NCKAP5: variants seen among roughly 807,000 people sequenced by gnomAD.
NCKAP5 encodes nck-associated protein 5.
A neutral mutation model predicts 167.0 loss-of-function variants in NCKAP5; 92 were observed. That is an observed-to-expected ratio of 0.55 (90% confidence interval 0.47 to 0.66). The LOEUF (loss-of-function observed/expected upper bound fraction) is 0.66. Ranked by LOEUF, NCKAP5 falls within the 30% of genes least tolerant of loss-of-function variation. The probability of loss-of-function intolerance (pLI) is 0.00; values close to 1 mark genes in which losing one functional copy is unlikely to be tolerated. For synonymous variants in NCKAP5, 891 were observed against 877.4 expected (o/e 1.02, Z -0.27); for missense variants, 2,378 against 2,315.0 (o/e 1.03, Z -0.56).
At chr2:132,752,619 A>G (rs1680211543) in intron 16 of NCKAP5, among the ~76,000 whole-genome samples, 3 of 152,208 alleles carry the variant, frequency 2.0e-5, no homozygotes, top group Admixed American at 6.5e-5. Flanking sequence ...CAGCAATTCA[A>G]CTTCCTCTAG....
chr2:132,987,560 T>G (rs1286220725), intron 7 of NCKAP5, among the ~76,000 whole-genome samples: 1 of 152,170 alleles, frequency 6.6e-6, no homozygotes, highest in Non-Finnish European at 1.5e-5. Context: ...GGAAACATAC[T>G]ACATTGCTCT....
intron 5 of NCKAP5, among the ~76,000 whole-genome samples, chr2:133,149,171 C>CA (rs1301320959): frequency 6.6e-6 from 1 of 152,166 alleles, no homozygotes; most frequent in Non-Finnish European, 1.5e-5. Flanking sequence ...TGTTAACAGA[C>CA]ACCTTACCTG....
At chr2:133,305,826 A>AT (rs1191339185) in intron 3 of NCKAP5, among the ~76,000 whole-genome samples, 1 of 152,094 alleles carries the variant, frequency 6.6e-6, no homozygotes, top group Non-Finnish European at 1.5e-5. Flanking sequence ...TTTCAGCTTT[A>AT]TTTTTTCTCT....
chr2:133,424,593 G>A (rs1490137223), intron 3 of NCKAP5, among the ~76,000 whole-genome samples: 1 of 152,154 alleles, frequency 6.6e-6, no homozygotes, highest in African/African-American at 2.4e-5. Flanking sequence ...TTGACTTTTT[G>A]TGTGGGGTTC....
intron 7 of NCKAP5, among the ~76,000 whole-genome samples, chr2:132,992,433 GAATGA>G (rs2077475892): frequency 6.6e-6 from 1 of 152,184 alleles, no homozygotes; most frequent in East Asian, 1.9e-4. Context: ...ATATGAATCT[GAATGA>G]AAGAGATCCA....
rs751504289 is a variant in NCKAP5, at chr2:132,782,092, C to T, written c.4719G>A (p.Lys1573=). The change falls in exon 14 of 20, where the codon AAG becomes AAA. Residue 1573 remains lysine, a synonymous_variant. Coordinates refer to ENST00000409261, the MANE Select transcript of NCKAP5 (RefSeq NM_207363.3). ...ETENELIKDT[K]SADNPDGGLQ... The stretch of plus-strand genomic sequence containing the variant: ...AACCGCCATCTGGATTATCTGCTGA[C>T]TTGGTGTCCTTGATAAGCTCATTTT... 2.5e-6 allele frequency: 4 copies of T among 1,614,060 alleles called. No homozygotes were observed. The highest frequency in any genetic ancestry group is 3.4e-6 in the Non-Finnish European group (4 of 1,179,888).
intron 19 of NCKAP5, among the ~76,000 whole-genome samples, chr2:132,711,567 T>C (rs1486561117): frequency 1.3e-5 from 2 of 152,236 alleles, no homozygotes; most frequent in African/African-American, 2.4e-5. Flanking sequence ...GCCTCATTCA[T>C]TCATTCACCT....
At chr2:133,505,410 C>A (rs539712548) in intron 3 of NCKAP5, among the ~76,000 whole-genome samples, 20 of 152,066 alleles carry the variant, frequency 1.3e-4, no homozygotes, top group African/African-American at 4.3e-4. Context: ...TAATAAAAAT[C>A]TTTTCTGAAT....
intron 3 of NCKAP5, among the ~76,000 whole-genome samples, chr2:133,370,668 T>C (rs1685743759): frequency 6.6e-6 from 1 of 151,872 alleles, no homozygotes; most frequent in African/African-American, 2.4e-5. Flanking sequence ...TTTCAAGCAG[T>C]TAATGAAGTC....
intron 3 of NCKAP5, among the ~76,000 whole-genome samples, chr2:133,331,206 T>C (rs970118189): frequency 1.3e-5 from 2 of 152,214 alleles, no homozygotes; most frequent in African/African-American, 4.8e-5. Flanking sequence ...TTGGGCTAAA[T>C]ATAAATATTT....
At position 132,807,062 on chromosome 2, in the gene NCKAP5, G is replaced by T. The variant is rs527256736; in HGVS notation, c.808-10333C>A. On this transcript the variant is annotated intron_variant, in intron 11 of 19. Transcript: ENST00000409261. ...TGTTTGCTTTGTCTAAGATCAGTTG[G>T]CTGTTAAGTATTTGGGTTTATTTCT... 5.3e-5 allele frequency among the ~76,000 whole-genome samples: 8 copies of T among 152,158 alleles called. No homozygotes were observed. The East Asian group carries it at 1.4e-3, about 26-fold the overall frequency.
intron 12 of NCKAP5, among the ~76,000 whole-genome samples, chr2:132,792,613 T>C (rs1292129056): frequency 2.6e-5 from 4 of 152,220 alleles, no homozygotes; most frequent in Non-Finnish European, 2.9e-5. Context: ...GACAGATGTG[T>C]CTACTCTACA....
intron 4 of NCKAP5, among the ~76,000 whole-genome samples, chr2:133,285,151 C>T (rs2090061268): frequency 6.6e-6 from 1 of 152,210 alleles, no homozygotes; most frequent in African/African-American, 2.4e-5. Flanking sequence ...TTTTGCCTTT[C>T]ACCCAATCTC....
At chr2:132,988,521 T>C (rs2077362278) in intron 7 of NCKAP5, among the ~76,000 whole-genome samples, 1 of 150,796 alleles carries the variant, frequency 6.6e-6, no homozygotes, top group Non-Finnish European at 1.5e-5. Flanking sequence ...CCATAAAACT[T>C]GAAATTGTAT....
intron 19 of NCKAP5, among the ~76,000 whole-genome samples, chr2:132,684,042 T>C (rs1169351802): frequency 1.3e-5 from 2 of 152,254 alleles, no homozygotes; most frequent in African/African-American, 4.8e-5. Flanking sequence ...GCAACTTGAA[T>C]ATTGCATTAT....
chr2:133,461,346 ACTT>A (rs1226721071), intron 3 of NCKAP5, among the ~76,000 whole-genome samples: 1 of 152,086 alleles, frequency 6.6e-6, no homozygotes, highest in Non-Finnish European at 1.5e-5. Flanking sequence ...CTTGATCAAA[ACTT>A]CTTAATAGTT....
intron 16 of NCKAP5, among the ~76,000 whole-genome samples, chr2:132,737,057 C>T (rs913731372): frequency 1.3e-5 from 2 of 152,176 alleles, no homozygotes; most frequent in African/African-American, 4.8e-5. Context: ...ACCATCAAGA[C>T]CCAGGCACCT....
At chr2:133,284,137 T>A (rs985006380) in intron 4 of NCKAP5, among the ~76,000 whole-genome samples, 1 of 151,744 alleles carries the variant, frequency 6.6e-6, no homozygotes, top group African/African-American at 2.4e-5. Context: ...AGAAGCAAGG[T>A]GAATGATGCC....
At chr2:132,881,857 C>G (rs1263470337) in intron 8 of NCKAP5, among the ~76,000 whole-genome samples, 1 of 152,128 alleles carries the variant, frequency 6.6e-6, no homozygotes. Context: ...TGAAAATATC[C>G]TATTGCTCAT....
Sources: allele counts gnomAD v4.1 joint callset (sites outside exome capture counted in the v4.1 genomes callset), GRCh38; gene constraint gnomAD v4.1.1; transcripts MANE v1.5; gene names NCBI Gene and HGNC (gene_info 2026-07-23, HGNC 2026-07-21).